The following ATPSCKMT variants were observed in gnomAD, a reference collection of about 807,000 sequenced individuals.
ATPSCKMT encodes the protein ATP synthase c subunit lysine N-methyltransferase.
Under a neutral mutation model 24.3 loss-of-function variants are expected in ATPSCKMT, and 24 were observed. The observed-to-expected ratio is 0.99, with a 90% CI of 0.71 to 1.39. The LOEUF (loss-of-function observed/expected upper bound fraction) is 1.39, where lower values mean the gene tolerates loss of function less well. ATPSCKMT is among the 40% of genes most tolerant of loss of function. ATPSCKMT has a pLI of 0.00. For synonymous variants in ATPSCKMT, 95 were observed against 110.5 expected, an observed-to-expected ratio of 0.86 and a Z score of 0.88; for missense variants, 311 against 298.4, an observed-to-expected ratio of 1.04 and a Z score of -0.31.
intron 2 of ATPSCKMT, among the ~76,000 whole-genome samples, chr5:10,237,646 G>A (rs983039598): frequency 6.6e-6 from 1 of 152,174 alleles, no homozygotes; most frequent in African/African-American, 2.4e-5. Flanking sequence ...ATGATTGTGA[G>A]GCCTCCCCAG....
At chr5:10,233,972 G>A (rs1201671477) in intron 4 of ATPSCKMT, among the ~76,000 whole-genome samples, 3 of 152,144 alleles carry the variant, frequency 2.0e-5, no homozygotes, top group Non-Finnish European at 2.9e-5. Flanking sequence ...GAATACCAAA[G>A]TTTGGTCTTA....
intron 1 of ATPSCKMT, among the ~76,000 whole-genome samples, chr5:10,239,941 A>AG (rs1744548753): frequency 6.6e-6 from 1 of 152,184 alleles, no homozygotes; most frequent in South Asian, 2.1e-4. Context: ...AGAACAAAAA[A>AG]TAAGGCCGGG....
At chr5:10,245,375 G>A (rs953344147) in intron 1 of ATPSCKMT, among the ~76,000 whole-genome samples, 5 of 152,040 alleles carry the variant, frequency 3.3e-5, no homozygotes, top group South Asian at 2.1e-4. Flanking sequence ...ATCCGAGACC[G>A]CGCCACTGCA....
chr5:10,236,865 TCACTTGGAA>T, intron 2 of ATPSCKMT: 2 of 1,450,570 alleles, frequency 1.4e-6, no homozygotes, highest in South Asian at 2.4e-5. Context: ...ACATTCAGGT[TCACTTGGAA>T]CACCTCCATA....
rs1743934043 is a variant in ATPSCKMT at position 10,227,496 on chromosome 5, C to T, written c.647G>A (p.Gly216Asp). ...VWAYDASTFR[G>D]REKRPCTSMH... ...CGATGTACAGGGCCTCTTTTCACGG[C>T]CTCTAAAAGTGCTTGCATCATATGC... Residue 216 changes from glycine to aspartate, a missense_variant, in exon 5 of 5, where the codon GGC (glycine) becomes GAC (aspartate). Physicochemically the swap from Gly to Asp is moderately conservative, Grantham distance 94. Coordinates refer to ENST00000511437, the MANE Select transcript of ATPSCKMT (RefSeq NM_199133.4). The T allele has an allele frequency of 6.2e-7, 1 of 1,614,042 alleles. No individual in the cohort carries two copies. Among genetic ancestry groups the T allele is most frequent in the Non-Finnish European group, 8.5e-7 (1 of 1,180,046 alleles).
intron 1 of ATPSCKMT, among the ~76,000 whole-genome samples, chr5:10,245,893 CAAG>C (rs1463752310): frequency 6.6e-6 from 1 of 152,128 alleles, no homozygotes; most frequent in Non-Finnish European, 1.5e-5. Flanking sequence ...CTATCATATG[CAAG>C]GAGGGGCTCA....
At chr5:10,241,401 G>A (rs1744640461) in intron 1 of ATPSCKMT, among the ~76,000 whole-genome samples, 1 of 152,170 alleles carries the variant, frequency 6.6e-6, no homozygotes. Flanking sequence ...TTCTAGTGCA[G>A]TACAAATTTG....
intron 1 of ATPSCKMT, among the ~76,000 whole-genome samples, chr5:10,247,280 T>C (rs192064210): frequency 4.6e-5 from 7 of 152,356 alleles, no homozygotes; most frequent in Admixed American, 6.5e-5. Flanking sequence ...AAGAAGTTAC[T>C]ATGTACATCC....
Position 10,236,472 on chromosome 5 carries a change from ACATACCTTC to A in ATPSCKMT, c.441_444+5del, listed in dbSNP as rs1744373659. 3 of 1,614,052 alleles carry A rather than the reference ACATACCTTC, an allele frequency of 1.9e-6. No homozygotes were observed. In the African/African-American group the frequency reaches 4.0e-5, roughly 22 times the overall value. The stretch of plus-strand genomic sequence containing the variant: ...TTTCTCTAGGGCCATTCTCTGCCTT[ACATACCTTC>A]CACAAATCTGAAATATAAAATTTGG... On this transcript the variant is annotated splice_donor_variant and splice_donor_5th_base_variant and coding_sequence_variant and intron_variant, in exon 3 of 5. Transcript: ENST00000511437. LOFTEE classifies it high-confidence loss of function.
intron 4 of ATPSCKMT, among the ~76,000 whole-genome samples, chr5:10,234,596 C>T (rs1561027875): frequency 6.6e-6 from 1 of 152,082 alleles, no homozygotes; most frequent in African/African-American, 2.4e-5. Flanking sequence ...GACTTTGAAA[C>T]GTGAAAAGGG....
intron 2 of ATPSCKMT, chr5:10,237,122 G>A: frequency 8.5e-6 from 8 of 938,238 alleles, no homozygotes; most frequent in Non-Finnish European, 1.2e-5. Context: ...ACAGGTAAAA[G>A]TAAAATGAAA....
chr5:10,249,669 G>A, intron 1 of ATPSCKMT, 189 bp downstream of exon 1: 11 of 910,762 alleles, frequency 1.2e-5, no homozygotes, highest in East Asian at 2.8e-5. Flanking sequence ...GACAAGGATC[G>A]CCAGAACCGG....
At chr5:10,243,784 C>T (rs185870112) in intron 1 of ATPSCKMT, among the ~76,000 whole-genome samples, 2 of 152,310 alleles carry the variant, frequency 1.3e-5, no homozygotes, top group South Asian at 2.1e-4. Context: ...CTATCCAGAC[C>T]ACTCAAACTT....
At chr5:10,237,595 G>T (rs1476244696) in intron 2 of ATPSCKMT, among the ~76,000 whole-genome samples, 1 of 152,104 alleles carries the variant, frequency 6.6e-6, no homozygotes, top group Non-Finnish European at 1.5e-5. Flanking sequence ...CACCATCAAT[G>T]TAAGACATGA....
rs866058805 is a variant in ATPSCKMT at position 10,240,886 on chromosome 5, C to T, written c.17-1530G>A. Among the ~76,000 whole-genome samples, 9 of 151,370 alleles carry T rather than the reference C, an allele frequency of 5.9e-5. No individual in the cohort carries two copies. In the South Asian group the frequency reaches 1.5e-3, roughly 24 times the overall value. On this transcript the variant is annotated intron_variant, in intron 1 of 4. Coordinates refer to ENST00000511437, the MANE Select transcript of ATPSCKMT (RefSeq NM_199133.4). Reference sequence around the variant, plus strand: ...GGTGCATGCTTGTAGTCCCCAGCTACTAGGGAGGCTGAGGCAGGAGAATCG... The same window carrying T: ...GGTGCATGCTTGTAGTCCCCAGCTATTAGGGAGGCTGAGGCAGGAGAATCG...
chr5:10,239,936 A>T (rs984100966), intron 1 of ATPSCKMT, among the ~76,000 whole-genome samples: 1 of 152,148 alleles, frequency 6.6e-6, no homozygotes, highest in African/African-American at 2.4e-5. Flanking sequence ...CAAAAAGAAC[A>T]AAAAATAAGG....
At chr5:10,234,325 C>T (rs1009836909) in intron 4 of ATPSCKMT, among the ~76,000 whole-genome samples, 14 of 150,422 alleles carry the variant, frequency 9.3e-5, no homozygotes, top group African/African-American at 3.2e-4. Context: ...AAGACCCTGG[C>T]TCAAAAAAAA....
rs575692322 is a variant in ATPSCKMT, at chr5:10,246,536, T to C, written c.16+3322A>G. Among the ~76,000 whole-genome samples the C allele has an allele frequency of 4.6e-5, 7 of 152,354 alleles. 1 individual carries two copies. In the South Asian group the frequency reaches 1.4e-3, roughly 32 times the overall value. On this transcript the variant is annotated intron_variant, in intron 1 of 4. Coordinates refer to ENST00000511437, the MANE Select transcript of ATPSCKMT (RefSeq NM_199133.4). ...AGTGTGTGGACTTCTGTAACTGACA[T>C]TTTTTACTTAGCATGTCTTCAAGAT...
chr5:10,236,599 T>A lies in ATPSCKMT; in HGVS notation c.323A>T (p.Lys108Met). The change falls in exon 3 of 5, where the codon AAG becomes ATG. Residue 108 changes from lysine (K) to methionine (M), a missense_variant. By Grantham distance (95) the Lys-to-Met change is moderately conservative. Coordinates refer to ENST00000511437, the MANE Select transcript of ATPSCKMT (RefSeq NM_199133.4). Reference sequence around the variant, plus strand: ...ATAACCAACTGCTGTGAACCCTTTCTTCGCAGCCGCTATGACCTGTGGAGA... The same window carrying A: ...ATAACCAACTGCTGTGAACCCTTTCATCGCAGCCGCTATGACCTGTGGAGA... ...GDGRIVIAAA[K>M]KGFTAVGYEL... 1 of 1,614,194 alleles carries A rather than the reference T, an allele frequency of 6.2e-7. No individual in the cohort carries two copies. The highest frequency in any genetic ancestry group is 8.5e-7 in the Non-Finnish European group (1 of 1,180,026).
Sources: allele counts gnomAD v4.1 joint callset (sites outside exome capture counted in the v4.1 genomes callset), GRCh38; gene constraint gnomAD v4.1.1; transcripts MANE v1.5; gene names NCBI Gene and HGNC (gene_info 2026-07-23, HGNC 2026-07-21).